The following HEBP2 variants were observed in gnomAD, a reference collection of about 807,000 sequenced individuals.
The protein encoded by HEBP2 is heme binding protein 2.
Under a neutral mutation model 23.1 loss-of-function variants are expected in HEBP2, and 27 were observed. That is an observed-to-expected ratio of 1.17 (90% CI 0.86 to 1.61). The LOEUF is 1.61. HEBP2 is among the 40% of genes most tolerant of loss of function. The pLI, the probability that HEBP2 is intolerant of heterozygous loss-of-function variation, is 0.00. For missense variants in HEBP2, 245 were observed against 253.8 expected (o/e 0.97, Z 0.24); for synonymous variants, 99 against 95.1 (o/e 1.04, Z -0.24).
At chr6:138,412,205 C>A (rs1223056407) in intron 3 of HEBP2, 1 of 362,910 alleles carries the variant, frequency 2.8e-6, no homozygotes, top group African/African-American at 2.2e-5. Context: ...GGAGGAAATA[C>A]ACTCTCAGGC....
intron 1 of HEBP2, 51 bp downstream of exon 1, chr6:138,404,648 T>G (rs1774605730): frequency 8.8e-7 from 1 of 1,139,376 alleles, no homozygotes; most frequent in Non-Finnish European, 1.1e-6. Flanking sequence ...CCGGCTGATT[T>G]GCAGTGAGGC....
chr6:138,421,369 T>G lies in HEBP2; in HGVS notation c.*8291T>G, dbSNP rs1339481769. The G allele has an allele frequency of 6.6e-6, 1 of 152,110 alleles. No homozygotes were observed. The highest frequency in any genetic ancestry group is 1.5e-5 in the Non-Finnish European group (1 of 68,036). 9.4% of individuals were successfully genotyped at this position (152,110 alleles called of 1,614,324 possible). ...AGAAACGTCTCCTTTTCACTGTGAT[T>G]CTCCTAAGGAATATACAGTCACCCC... On this transcript the variant is annotated 3_prime_UTR_variant, in exon 4 of 4. Transcript: ENST00000607197.
chr6:138,403,942 G>A (rs1165678772), upstream of HEBP2, among the ~76,000 whole-genome samples: 1 of 152,156 alleles, frequency 6.6e-6, no homozygotes, highest in East Asian at 1.9e-4. Context: ...CGCCCTGGCT[G>A]AGCCCCAGGA....
chr6:138,408,338 T>A (rs1301962454), intron 3 of HEBP2, among the ~76,000 whole-genome samples: 11 of 152,248 alleles, frequency 7.2e-5, no homozygotes, highest in Non-Finnish European at 1.3e-4. Flanking sequence ...ACATTTTGCT[T>A]AGAAAATGTT....
rs1774775227 is a variant in HEBP2 at position 138,412,936 on chromosome 6, C to T, written c.476C>T (p.Ala159Val). The change falls in exon 4 of 4, where the codon GCA becomes GTA. Residue 159 changes from alanine (A) to valine (V), a missense_variant. Physicochemically the swap from Ala to Val is moderately conservative, Grantham distance 64. Coordinates refer to ENST00000607197, the MANE Select transcript of HEBP2 (RefSeq NM_014320.3). ...QKNQEQLLTLASILREDGKVF... is the reference protein window; with the variant it reads ...QKNQEQLLTLVSILREDGKVF... The stretch of plus-strand genomic sequence containing the variant: ...AATCAAGAACAACTTTTGACATTAG[C>T]AAGCATTTTAAGGGAAGATGGAAAA... The T allele has an allele frequency of 1.2e-6, 2 of 1,614,088 alleles. No homozygotes were observed. The highest frequency in any genetic ancestry group is 4.5e-5 in the East Asian group (2 of 44,890).
At position 138,421,027 on chromosome 6, in the gene HEBP2, G is replaced by C. The variant is rs963392639; in HGVS notation, c.*7949G>C. ...CTCTACCTCTTGTTCTGTGAATAAA[G>C]GCTGGCCGCTGTGGAAGGTAGGTCA... On this transcript the variant is annotated 3_prime_UTR_variant, in exon 4 of 4. Transcript: ENST00000607197. The C allele has an allele frequency of 3.3e-5, 5 of 152,132 alleles. No individual in the cohort carries two copies. The highest frequency in any genetic ancestry group is 1.2e-4 in the African/African-American group (5 of 41,402). 9.4% of individuals were successfully genotyped at this position (152,132 alleles called of 1,614,324 possible). A position where few individuals can be genotyped will look rare whatever the true frequency, so the allele number is the denominator to read the frequency against.
At chr6:138,412,853 C>T (rs1460585454) in intron 3 of HEBP2, 27 bp from the exon 4 acceptor site, 3 of 1,585,820 alleles carry the variant, frequency 1.9e-6, no homozygotes, top group Admixed American at 1.7e-5. Flanking sequence ...TAAAATCATT[C>T]ACGGTTATTT....
rs1774872686 is a variant in HEBP2 at position 138,418,565 on chromosome 6, A to G, written c.*5487A>G. ...GGAAGATGGAAATGATATGTACAGG[A>G]GCAGTTCCAAGCCAGACCAGAGGAC... is the stretch of plus-strand genomic sequence containing the variant. On this transcript the variant is annotated 3_prime_UTR_variant, in exon 4 of 4. Transcript: ENST00000607197. The G allele has an allele frequency of 6.6e-6, 1 of 152,278 alleles. No homozygotes were observed. The highest frequency in any genetic ancestry group is 1.5e-5 in the Non-Finnish European group (1 of 68,110). 9.4% of individuals were successfully genotyped at this position (152,278 alleles called of 1,614,324 possible).
chr6:138,417,642 G>C lies in HEBP2; in HGVS notation c.*4564G>C, dbSNP rs1161186276. On this transcript the variant is annotated 3_prime_UTR_variant, in exon 4 of 4. Coordinates refer to ENST00000607197, the MANE Select transcript of HEBP2 (RefSeq NM_014320.3). ...ACCAGTGGTCCTGCTGTGTTGAGGA[G>C]ATGGAGATCAGTGTCACCGGAGGCC... The C allele has an allele frequency of 2.0e-5, 3 of 152,532 alleles. No individual in the cohort carries two copies. In the South Asian group the frequency reaches 6.2e-4, roughly 32 times the overall value. The allele number at this position is 152,532 out of a possible 1,614,324, so 9.4% of individuals were successfully genotyped here.
chr6:138,410,335 A>C (rs1774723027), intron 3 of HEBP2, among the ~76,000 whole-genome samples: 1 of 152,216 alleles, frequency 6.6e-6, no homozygotes, highest in South Asian at 2.1e-4. Flanking sequence ...CAGAGAACAA[A>C]AGCTTATTTC....
In HEBP2 at chr6:138,417,986, C is replaced by T. The variant is rs1283727353; in HGVS notation, c.*4908C>T. ...AAAGGCTTCTTTGGACTTCCCCTAA[C>T]AAAGCTTAAAGACAAGCCTTGGAAG... On this transcript the variant is annotated 3_prime_UTR_variant, in exon 4 of 4. Coordinates refer to ENST00000607197, the MANE Select transcript of HEBP2 (RefSeq NM_014320.3). 2.0e-5 allele frequency: 3 copies of T among 152,138 alleles called. No homozygotes were observed. The highest frequency in any genetic ancestry group is 2.9e-5 in the Non-Finnish European group (2 of 68,026). 9.4% of individuals were successfully genotyped at this position (152,138 alleles called of 1,614,324 possible).
rs1774833950 is a variant in HEBP2 at position 138,415,884 on chromosome 6, C to T, written c.*2806C>T. 6.6e-6 allele frequency: 1 copy of T among 152,218 alleles called. No individual in the cohort carries two copies. The highest frequency in any genetic ancestry group is 6.5e-5 in the Admixed American group (1 of 15,278). The allele number at this position is 152,218 out of a possible 1,614,324, so 9.4% of individuals were successfully genotyped here. A position where few individuals can be genotyped will look rare whatever the true frequency, so the allele number is the denominator to read the frequency against. On this transcript the variant is annotated 3_prime_UTR_variant, in exon 4 of 4. Coordinates refer to ENST00000607197, the MANE Select transcript of HEBP2 (RefSeq NM_014320.3). ...TTCCCCATGAAGAGCTGGAACTACC[C>T]TCCCTTCCTGCCTCTTCCCTAACAC...
At chr6:138,403,772 G>C, upstream of HEBP2, 1 of 403,416 alleles carries the variant, frequency 2.5e-6, no homozygotes, top group Non-Finnish European at 4.4e-6. Flanking sequence ...TAAGCCTGCG[G>C]GGATGACTCA....
At chr6:138,406,996 A>T (rs1166497359) in intron 3 of HEBP2, among the ~76,000 whole-genome samples, 2 of 152,142 alleles carry the variant, frequency 1.3e-5, no homozygotes, top group Non-Finnish European at 2.9e-5. Flanking sequence ...GCACCAATGC[A>T]CTCCAGCCTG....
rs1172133020 is a variant in HEBP2, at chr6:138,421,322, G to A, written c.*8244G>A. The A allele has an allele frequency of 6.6e-6, 1 of 152,166 alleles. No homozygotes were observed. Among genetic ancestry groups the A allele is most frequent in the Non-Finnish European group, 1.5e-5 (1 of 68,038 alleles). 9.4% of individuals were successfully genotyped at this position (152,166 alleles called of 1,614,324 possible). A position where few individuals can be genotyped will look rare whatever the true frequency, so the allele number is the denominator to read the frequency against. On this transcript the variant is annotated 3_prime_UTR_variant, in exon 4 of 4. Coordinates refer to ENST00000607197, the MANE Select transcript of HEBP2 (RefSeq NM_014320.3). ...CCACAGAGCAGGGTGCCAGTGGTGGGTGGGGAGAAAGACGGAGACACAGAA... is the reference window on the plus strand; with the variant it reads ...CCACAGAGCAGGGTGCCAGTGGTGGATGGGGAGAAAGACGGAGACACAGAA...
At position 138,412,493 on chromosome 6, in the gene HEBP2, G is replaced by A. The variant is rs571091104; in HGVS notation, c.420-387G>A. 4.5e-4 allele frequency among the ~76,000 whole-genome samples: 69 copies of A among 152,034 alleles called. 1 individual carries two copies. Among genetic ancestry groups the A allele is most frequent in the African/African-American group, 1.3e-3 (52 of 41,458 alleles). The stretch of plus-strand genomic sequence containing the variant: ...TTGAGAAAGAGTCTTGCACTCTGTC[G>A]CCCAGGCTGGAGTGCAGTGGCGTGA... On this transcript the variant is annotated intron_variant, in intron 3 of 3. Transcript: ENST00000607197.
intron 3 of HEBP2, among the ~76,000 whole-genome samples, chr6:138,408,281 C>G (rs370682074): frequency 6.6e-6 from 1 of 152,232 alleles, no homozygotes; most frequent in East Asian, 1.9e-4. Context: ...TAAATTCTCT[C>G]TTCTTGTATT....
At position 138,417,693 on chromosome 6, in the gene HEBP2, G is replaced by A. The variant is rs947135133; in HGVS notation, c.*4615G>A. 2.6e-5 allele frequency: 4 copies of A among 152,524 alleles called. No individual in the cohort carries two copies. Among genetic ancestry groups the A allele is most frequent in the Admixed American group, 2.0e-4 (3 of 15,284 alleles). 9.4% of individuals were successfully genotyped at this position (152,524 alleles called of 1,614,324 possible). A position where few individuals can be genotyped will look rare whatever the true frequency, so the allele number is the denominator to read the frequency against. Reference sequence around the variant, plus strand: ...AAGGTGAGTAAGTGAGAGGAGAGGAGGCAGCAGCACACAGACAGAGAGTGC... The same window carrying A: ...AAGGTGAGTAAGTGAGAGGAGAGGAAGCAGCAGCACACAGACAGAGAGTGC... On this transcript the variant is annotated 3_prime_UTR_variant, in exon 4 of 4. Transcript: ENST00000607197.
At chr6:138,403,753 G>A (rs1362365117), upstream of HEBP2, 1 of 404,196 alleles carries the variant, frequency 2.5e-6, no homozygotes, top group Non-Finnish European at 4.4e-6. Flanking sequence ...AACTCTCCCC[G>A]AGTCTCGTTA....
Sources: gnomAD v4.1 joint callset for allele counts (sites outside exome capture counted in the v4.1 genomes callset) on GRCh38, gnomAD v4.1.1 for gene constraint, MANE v1.5 for transcripts, NCBI Gene and HGNC (gene_info 2026-07-23, HGNC 2026-07-21) for gene names.